VPS13C: variants seen among roughly 807,000 people sequenced by gnomAD.
VPS13C encodes vacuolar protein sorting 13 homolog C, also known as intermembrane lipid transfer protein VPS13C.
A neutral mutation model predicts 456.8 loss-of-function variants in VPS13C; 358 were observed. The observed-to-expected ratio is 0.78, with a 90% CI of 0.72 to 0.86. The LOEUF is 0.86. Ranked by LOEUF, VPS13C falls within the 40% of genes least tolerant of loss-of-function variation. The pLI is 0.00. For synonymous variants in VPS13C, 1,578 were observed against 1,486.7 expected (o/e 1.06, Z -1.41); for missense variants, 4,818 against 4,385.4 (o/e 1.10, Z -2.79).
intron 30 of VPS13C, among the ~76,000 whole-genome samples, chr15:61,965,627 C>T (rs1377221726): frequency 1.3e-5 from 2 of 151,850 alleles, no homozygotes; most frequent in African/African-American, 2.4e-5. Context: ...AGCTAAAACT[C>T]GCCTCTCTCC....
At chr15:61,995,718 C>A (rs1217370527) in intron 16 of VPS13C, among the ~76,000 whole-genome samples, 1 of 152,140 alleles carries the variant, frequency 6.6e-6, no homozygotes, top group Non-Finnish European at 1.5e-5. Flanking sequence ...TAAATTCTGC[C>A]AAGGAAAGTG....
At chr15:61,951,484 G>T (rs2140291131) in intron 39 of VPS13C, among the ~76,000 whole-genome samples, 1 of 152,166 alleles carries the variant, frequency 6.6e-6, no homozygotes, top group Non-Finnish European at 1.5e-5. Flanking sequence ...TCTGAGGGAA[G>T]GACATGAGAC....
intron 82 of VPS13C, among the ~76,000 whole-genome samples, 162 bp downstream of exon 82, chr15:61,863,278 T>G (rs1894322866): frequency 6.6e-6 from 1 of 152,138 alleles, no homozygotes; most frequent in Non-Finnish European, 1.5e-5. Context: ...TCAAAGGACC[T>G]ATTTAGATCT....
intron 9 of VPS13C, among the ~76,000 whole-genome samples, chr15:62,019,623 T>C (rs2047384833): frequency 6.6e-6 from 1 of 152,134 alleles, no homozygotes; most frequent in Non-Finnish European, 1.5e-5. Flanking sequence ...TAATCCTGAG[T>C]TCTAGTTTGA....
At position 61,940,456 on chromosome 15, in the gene VPS13C, A is replaced by C. The variant is rs572492351; in HGVS notation, c.5601+191T>G. On this transcript the variant is annotated intron_variant, in intron 47 of 84. Coordinates refer to ENST00000644861, the MANE Select transcript of VPS13C (RefSeq NM_020821.3). The stretch of plus-strand genomic sequence containing the variant: ...TTTGTTGTTTTTAAATAGGAAACAA[A>C]ATCTAGTTTACTCAATTTATTACTT... Among the ~76,000 whole-genome samples the C allele has an allele frequency of 9.2e-5, 14 of 152,250 alleles. No individual in the cohort carries two copies. The South Asian group carries it at 2.3e-3, about 25-fold the overall frequency.
At chr15:61,903,433 T>C (rs1351262341) in intron 66 of VPS13C, among the ~76,000 whole-genome samples, 1 of 151,244 alleles carries the variant, frequency 6.6e-6, no homozygotes, top group Non-Finnish European at 1.5e-5. Flanking sequence ...ACAAAAAATA[T>C]ATAAAATACC....
At chr15:61,924,748 A>C (rs1038799204) in intron 53 of VPS13C, among the ~76,000 whole-genome samples, 1 of 152,072 alleles carries the variant, frequency 6.6e-6, no homozygotes, top group Non-Finnish European at 1.5e-5. Context: ...TTTGAGCCTT[A>C]GTTCAATCAC....
rs1377202623 is a variant in VPS13C, at chr15:62,010,606, T to C, written c.884-7A>G. 4 of 1,608,266 alleles carry C rather than the reference T, an allele frequency of 2.5e-6. No individual in the cohort carries two copies. Among genetic ancestry groups the C allele is most frequent in the African/African-American group, 1.3e-5 (1 of 74,652 alleles). On this transcript the variant is annotated splice_polypyrimidine_tract_variant and splice_region_variant and intron_variant, in intron 12 of 84. Transcript: ENST00000644861. Reference sequence around the variant, plus strand: ...GCTGATATTGGCTGGAAAACTTACATCACATGGGAAGACATAAGATATGTT... The same window carrying C: ...GCTGATATTGGCTGGAAAACTTACACCACATGGGAAGACATAAGATATGTT...
chr15:61,860,169 G>C (rs1894142746), intron 82 of VPS13C, among the ~76,000 whole-genome samples: 1 of 151,940 alleles, frequency 6.6e-6, no homozygotes, highest in South Asian at 2.1e-4. Flanking sequence ...TGAAAAATGA[G>C]CAAAGAATAT....
intron 59 of VPS13C, 46 bp downstream of exon 59, chr15:61,918,090 C>G: frequency 6.6e-7 from 1 of 1,517,300 alleles, no homozygotes; most frequent in South Asian, 1.3e-5. Context: ...AATATAAATC[C>G]CCAACTCAAT....
At chr15:61,956,512 C>T (rs2045003900) in intron 37 of VPS13C, among the ~76,000 whole-genome samples, 1 of 152,018 alleles carries the variant, frequency 6.6e-6, no homozygotes, top group Non-Finnish European at 1.5e-5. Flanking sequence ...GAAAGGTAAA[C>T]CACAGACAGG....
chr15:61,899,652 G>A (rs1045729234), intron 66 of VPS13C, among the ~76,000 whole-genome samples: 2 of 149,934 alleles, frequency 1.3e-5, no homozygotes, highest in African/African-American at 4.9e-5. Context: ...TCCAGGACCA[G>A]ATGGATTCAC....
intron 21 of VPS13C, among the ~76,000 whole-genome samples, chr15:61,981,893 A>G (rs905787113): frequency 6.6e-6 from 1 of 152,178 alleles, no homozygotes; most frequent in Non-Finnish European, 1.5e-5. Context: ...AAATAAAAAA[A>G]AAAGAAAAGT....
chr15:61,854,556 T>C lies in VPS13C; in HGVS notation c.11163A>G (p.Arg3721=). The change falls in exon 85 of 85, where the codon AGA becomes AGG. Residue 3721 remains arginine (R), a splice_region_variant and synonymous_variant. Coordinates refer to ENST00000644861, the MANE Select transcript of VPS13C (RefSeq NM_020821.3). ...GTGCATCCTCAATGGCATTACATGCTCTCTGTAAAGTAAAATACTTATTAT... is the reference window on the plus strand; with the variant it reads ...GTGCATCCTCAATGGCATTACATGCCCTCTGTAAAGTAAAATACTTATTAT... ...VYLKDTATAE[R]ACNAIEDAQS... is the part of the protein sequence containing the mutation. 1.9e-6 allele frequency: 3 copies of C among 1,613,862 alleles called. No homozygotes were observed. The highest frequency in any genetic ancestry group is 2.5e-6 in the Non-Finnish European group (3 of 1,179,786).
Position 61,951,823 on chromosome 15 carries a change from C to A in VPS13C, c.4456+1G>T. The stretch of plus-strand genomic sequence containing the variant: ...TTACACAGACAATATTTCACACTTA[C>A]CAGTGAAATCAAAGCACTGCATACT... On this transcript the variant is annotated splice_donor_variant, in intron 39 of 84. Transcript: ENST00000644861. LOFTEE classifies it high-confidence loss of function. 1.9e-6 allele frequency: 3 copies of A among 1,606,592 alleles called. No individual in the cohort carries two copies. Among genetic ancestry groups the A allele is most frequent in the Non-Finnish European group, 2.6e-6 (3 of 1,176,408 alleles).
intron 68 of VPS13C, among the ~76,000 whole-genome samples, chr15:61,883,065 C>G (rs889105746): frequency 1.3e-5 from 2 of 151,906 alleles, no homozygotes; most frequent in African/African-American, 4.8e-5. Flanking sequence ...CGGCATCTTG[C>G]TGTCACAAGT....
At chr15:62,035,961 C>T (rs1334859305) in intron 3 of VPS13C, among the ~76,000 whole-genome samples, 3 of 151,952 alleles carry the variant, frequency 2.0e-5, no homozygotes, top group Admixed American at 2.0e-4. Context: ...TTGAAATAGG[C>T]AAAATCTGTC....
At chr15:62,001,576 A>T (rs1028111586) in intron 15 of VPS13C, among the ~76,000 whole-genome samples, 3 of 152,072 alleles carry the variant, frequency 2.0e-5, no homozygotes, top group Non-Finnish European at 4.4e-5. Context: ...CGTGCAGGTT[A>T]GTTACATATG....
rs372272525 is a variant in VPS13C at position 61,907,353 on chromosome 15, C to G, written c.9016G>C (p.Ala3006Pro). The change falls in exon 66 of 85, where the codon GCT becomes CCT. Residue 3006 changes from alanine to proline, a missense_variant. By Grantham distance (27) the Ala-to-Pro change is conservative (BLOSUM62 -1). Around this residue, in one of 3 missense-constraint regions of VPS13C, gnomAD observed 4,552 missense variants for 4,130.6 expected, o/e 1.10. Transcript: ENST00000644861. ...GGATCTGCCCAGGCAAAAAGTCGAG[C>G]CTGTCTTGGCAGCAAGACCATTTCT... Reference protein sequence around the residue: ...PEEMVLLPRQARLFAWADPTG... With the variant: ...PEEMVLLPRQPRLFAWADPTG... The G allele has an allele frequency of 3.1e-6, 5 of 1,613,890 alleles. No individual in the cohort carries two copies. Among genetic ancestry groups the G allele is most frequent in the South Asian group, 1.1e-5 (1 of 91,074 alleles).
Sources: allele counts gnomAD v4.1 joint callset (sites outside exome capture counted in the v4.1 genomes callset), GRCh38; gene constraint gnomAD v4.1.1; regional missense constraint gnomAD v4.1.1; transcripts MANE v1.5; gene names NCBI Gene and HGNC (gene_info 2026-07-23, HGNC 2026-07-21).